The following DOCK3 variants were observed in gnomAD, a reference collection of about 807,000 sequenced individuals.
DOCK3 encodes the protein dedicator of cytokinesis protein 3.
A neutral mutation model predicts 265.6 loss-of-function variants in DOCK3; 60 were observed. The ratio of observed to expected loss-of-function variants is 0.23; its 90% confidence interval spans 0.18 to 0.28. The LOEUF is 0.28. Ranked by LOEUF, DOCK3 falls within the 10% of genes least tolerant of loss-of-function variation. The probability of loss-of-function intolerance (pLI) is 1.00; values close to 1 mark genes in which losing one functional copy is unlikely to be tolerated. For missense variants in DOCK3, 1,981 were observed against 2,594.3 expected (o/e 0.76, Z 5.14); for synonymous variants, 881 against 938.0 (o/e 0.94, Z 1.11).
At chr3:51,069,107 C>T (rs1035835375) in intron 6 of DOCK3, among the ~76,000 whole-genome samples, 2 of 151,968 alleles carry the variant, frequency 1.3e-5, no homozygotes, top group Non-Finnish European at 2.9e-5. Flanking sequence ...ACTTATTGGC[C>T]TATATGTAGA....
intron 1 of DOCK3, among the ~76,000 whole-genome samples, chr3:50,749,389 G>T (rs1444839449): frequency 1.3e-5 from 2 of 152,122 alleles, no homozygotes; most frequent in Non-Finnish European, 1.5e-5. Flanking sequence ...GGCAAATGGG[G>T]AAGAAAAGAG....
At chr3:51,140,705 A>G (rs2085015963) in intron 9 of DOCK3, among the ~76,000 whole-genome samples, 2 of 152,166 alleles carry the variant, frequency 1.3e-5, no homozygotes, top group Admixed American at 6.5e-5. Flanking sequence ...ACCATTTTGC[A>G]TTCCCATCAG....
chr3:51,227,568 T>A, intron 16 of DOCK3, 123 bp downstream of exon 16: 1 of 1,367,590 alleles, frequency 7.3e-7, no homozygotes, highest in Non-Finnish European at 9.9e-7. Flanking sequence ...AATAAACAGC[T>A]ACTCAGAGAT....
chr3:51,328,556 T>C (rs1297311637), intron 32 of DOCK3, among the ~76,000 whole-genome samples: 1 of 151,094 alleles, frequency 6.6e-6, no homozygotes, highest in Non-Finnish European at 1.5e-5. Flanking sequence ...CAAATGTATA[T>C]TCAAGCAACT....
intron 12 of DOCK3, among the ~76,000 whole-genome samples, chr3:51,172,493 C>T (rs1205340521): frequency 6.6e-6 from 1 of 152,120 alleles, no homozygotes; most frequent in Non-Finnish European, 1.5e-5. Context: ...CTTTTTTCAT[C>T]ACTTCACTTT....
chr3:50,684,895 T>G (rs917991520), intron 1 of DOCK3, among the ~76,000 whole-genome samples: 3 of 152,094 alleles, frequency 2.0e-5, no homozygotes, highest in African/African-American at 7.2e-5. Flanking sequence ...TTCCTTCTGA[T>G]TACATAACGT....
intron 2 of DOCK3, among the ~76,000 whole-genome samples, chr3:50,822,448 A>G (rs962041566): frequency 6.6e-6 from 1 of 152,158 alleles, no homozygotes; most frequent in African/African-American, 2.4e-5. Flanking sequence ...CATTGTCACA[A>G]TGATATTGAG....
chr3:50,883,237 G>A (rs1559765408), intron 3 of DOCK3, among the ~76,000 whole-genome samples: 1 of 151,654 alleles, frequency 6.6e-6, no homozygotes, highest in Non-Finnish European at 1.5e-5. Context: ...TGCACGTTGT[G>A]CACATGTACC....
chr3:51,188,742 G>T (rs1212158816), intron 12 of DOCK3, among the ~76,000 whole-genome samples: 1 of 152,040 alleles, frequency 6.6e-6, no homozygotes, highest in Admixed American at 6.6e-5. Flanking sequence ...GTTACTAAAG[G>T]TAACATGGTT....
At chr3:50,976,554 T>A (rs2077457894) in intron 5 of DOCK3, among the ~76,000 whole-genome samples, 1 of 136,196 alleles carries the variant, frequency 7.3e-6, no homozygotes, top group African/African-American at 2.7e-5. Flanking sequence ...AGGAGAGCTT[T>A]ACTTCCAAGT....
intron 5 of DOCK3, among the ~76,000 whole-genome samples, chr3:51,024,283 T>C (rs900165727): frequency 6.6e-6 from 1 of 152,198 alleles, no homozygotes; most frequent in Non-Finnish European, 1.5e-5. Flanking sequence ...GCTTATCTCA[T>C]TCTCTCATGG....
At chr3:51,297,167 T>C (rs6445601) in intron 27 of DOCK3, among the ~76,000 whole-genome samples, 121,634 of 147,778 alleles carry the variant, frequency 0.82, 50,612 homozygotes, top group Middle Eastern at 0.9. Flanking sequence ...TGATATCGCA[T>C]CTCTACCTTA....
Position 51,359,199 on chromosome 3 carries a change from C to T in DOCK3, c.4884+1122C>T, listed in dbSNP as rs945376922. 6.6e-6 allele frequency among the ~76,000 whole-genome samples: 1 copy of T among 152,220 alleles called. No individual in the cohort carries two copies. Among genetic ancestry groups the T allele is most frequent in the Non-Finnish European group, 1.5e-5 (1 of 68,036 alleles). On this transcript the variant is annotated intron_variant, in intron 46 of 52. Transcript: ENST00000266037. This position sits in a 1 kb window ranked among gnomAD's most constrained non-coding sequence, Gnocchi z 4.8. ...CTCAGTGGGCCTGACCCATTTGGGG[C>T]GGACCTGCTGTGTTCTTGGATGCTG...
chr3:50,698,517 G>GTTTTTTTT lies in DOCK3; in HGVS notation c.37+23235_37+23242dup. On this transcript the variant is annotated intron_variant, in intron 1 of 52. Coordinates refer to ENST00000266037, the MANE Select transcript of DOCK3 (RefSeq NM_004947.5). ...GTTTCTCTGTGGATGTATGTTTTTGGTTTTTTTTTTTTTTTTTTTTTTTTT... is the reference window on the plus strand; with the variant it reads ...GTTTCTCTGTGGATGTATGTTTTTGGTTTTTTTTTTTTTTTTTTTTTTTTTTTTTTTTT... 7.2e-4 allele frequency among the ~76,000 whole-genome samples: 14 copies of GTTTTTTTT among 19,516 alleles called. 4 individuals carry two copies. Among genetic ancestry groups the GTTTTTTTT allele is most frequent in the East Asian group, 4.7e-3 (5 of 1,064 alleles). The allele number at this position is 19,516 out of a possible 152,430, so 12.8% of individuals were successfully genotyped here.
intron 5 of DOCK3, among the ~76,000 whole-genome samples, chr3:50,988,736 AG>A (rs1342208601): frequency 6.6e-6 from 1 of 152,152 alleles, no homozygotes. Context: ...CAAAGTGACT[AG>A]GGACTGGAAC....
intron 2 of DOCK3, chr3:50,786,726 T>C: frequency 1.4e-6 from 1 of 715,524 alleles, no homozygotes; most frequent in Non-Finnish European, 2.7e-6. Flanking sequence ...TTTGTTTTCA[T>C]GTGTTCATGA....
chr3:51,236,246 T>G (rs762023093), intron 19 of DOCK3, 99 bp from the exon 20 acceptor site: 1 of 903,824 alleles, frequency 1.1e-6, no homozygotes, highest in Non-Finnish European at 1.8e-6. Context: ...TCCTAAGAGA[T>G]CTTTCACTTT....
intron 5 of DOCK3, among the ~76,000 whole-genome samples, chr3:50,996,988 G>A (rs933857027): frequency 6.6e-6 from 1 of 152,094 alleles, no homozygotes; most frequent in Non-Finnish European, 1.5e-5. Flanking sequence ...CTCTTCATCC[G>A]AGAGGCTTTC....
intron 3 of DOCK3, among the ~76,000 whole-genome samples, chr3:50,879,140 G>A (rs1312002787): frequency 9.9e-5 from 15 of 152,184 alleles, no homozygotes; most frequent in Admixed American, 9.8e-4. Context: ...ACTAAACATG[G>A]AAAGGAACAA....
Sources: allele counts gnomAD v4.1 joint callset (sites outside exome capture counted in the v4.1 genomes callset), GRCh38; gene constraint gnomAD v4.1.1; non-coding constraint Gnocchi (gnomAD v3.1); transcripts MANE v1.5; gene names NCBI Gene and HGNC (gene_info 2026-07-23, HGNC 2026-07-21).